TSHZ2: variants seen among roughly 807,000 people sequenced by gnomAD.
TSHZ2 encodes the protein teashirt zinc finger homeobox 2, also known as teashirt homolog 2.
Under a neutral mutation model 74.4 loss-of-function variants are expected in TSHZ2, and 21 were observed. The observed-to-expected ratio is 0.28, with a 90% CI of 0.20 to 0.41. TSHZ2 has a LOEUF of 0.41. Ranked by LOEUF, TSHZ2 falls within the 10% of genes least tolerant of loss-of-function variation. The pLI is 1.00. For synonymous variants in TSHZ2, 540 were observed against 515.3 expected (o/e 1.05, Z -0.65); for missense variants, 1,244 against 1,293.5 (o/e 0.96, Z 0.59).
rs542988543 is a variant in TSHZ2 at position 53,272,540 on chromosome 20, G to A, written c.*8+15969G>A. Among the ~76,000 whole-genome samples, 43 of 152,276 alleles carry A rather than the reference G, an allele frequency of 2.8e-4. No homozygotes were observed. In the East Asian group the frequency reaches 4.0e-3, roughly 14 times the overall value. On this transcript the variant is annotated intron_variant, in intron 2 of 2. Coordinates refer to ENST00000371497, the MANE Select transcript of TSHZ2 (RefSeq NM_173485.6). ...CTTCCTTTTGCCATCCTCCATGGGCGAAATGACAATAATACTTACGTCTCT... is the reference window on the plus strand; with the variant it reads ...CTTCCTTTTGCCATCCTCCATGGGCAAAATGACAATAATACTTACGTCTCT...
chr20:53,025,344 G>A (rs1005949959), intron 1 of TSHZ2, among the ~76,000 whole-genome samples: 1 of 152,032 alleles, frequency 6.6e-6, no homozygotes, highest in African/African-American at 2.4e-5. Context: ...CAAAGATCTG[G>A]TTGTCAATTA....
intron 2 of TSHZ2, among the ~76,000 whole-genome samples, chr20:53,300,822 GA>G (rs1395252239): frequency 6.6e-6 from 1 of 152,212 alleles, no homozygotes; most frequent in African/African-American, 2.4e-5. Flanking sequence ...GCAGGGAGGA[GA>G]AAAGGGGTCG....
intron 2 of TSHZ2, among the ~76,000 whole-genome samples, chr20:53,473,808 T>C (rs969667662): frequency 6.6e-6 from 1 of 152,002 alleles, no homozygotes; most frequent in African/African-American, 2.4e-5. Context: ...AGAGAAGTGC[T>C]TAAAGGAGCT....
chr20:53,256,706 A>T lies in TSHZ2; in HGVS notation c.*8+135A>T. The T allele has an allele frequency of 7.3e-7, 1 of 1,372,236 alleles. No homozygotes were observed. Among genetic ancestry groups the T allele is most frequent in the Non-Finnish European group, 9.6e-7 (1 of 1,046,294 alleles). The allele number at this position is 1,372,236 out of a possible 1,614,324, so 85.0% of individuals were successfully genotyped here. On this transcript the variant is annotated intron_variant, in intron 2 of 2. Transcript: ENST00000371497. The surrounding 1 kb of genome is among the most constrained non-coding windows in gnomAD (Gnocchi z 4.3). Reference sequence around the variant, plus strand: ...GCTTGCTGGAGTAGGATTTATTTTAATGAAAGACCAGAACATGAAAACTAA... The same window carrying T: ...GCTTGCTGGAGTAGGATTTATTTTATTGAAAGACCAGAACATGAAAACTAA...
At chr20:53,386,950 G>A (rs1445394220) in intron 2 of TSHZ2, among the ~76,000 whole-genome samples, 3 of 151,876 alleles carry the variant, frequency 2.0e-5, no homozygotes, top group Non-Finnish European at 4.4e-5. Flanking sequence ...ATATGAAAGG[G>A]ATATAAATTC....
chr20:53,393,243 T>C (rs914909834), intron 2 of TSHZ2, among the ~76,000 whole-genome samples: 4 of 152,254 alleles, frequency 2.6e-5, no homozygotes, highest in African/African-American at 9.6e-5. Flanking sequence ...CTCCCACTTA[T>C]AAGTGAGAAC....
At chr20:53,009,003 CTCTCTCTCT>C (rs1475154419) in intron 1 of TSHZ2, among the ~76,000 whole-genome samples, 2 of 122,162 alleles carry the variant, frequency 1.6e-5, no homozygotes, top group Non-Finnish European at 3.4e-5. Context: ...CTCTCTCTCT[CTCTCTCTCT>C]CTCTCTCTCT....
At chr20:52,974,259 A>T (rs552078247) in intron 1 of TSHZ2, among the ~76,000 whole-genome samples, 3 of 152,022 alleles carry the variant, frequency 2.0e-5, no homozygotes, top group Admixed American at 6.5e-5. Context: ...TTTCCACTTG[A>T]TTGCTAGTTT....
intron 1 of TSHZ2, among the ~76,000 whole-genome samples, chr20:53,151,880 A>C (rs2123442223): frequency 6.6e-6 from 1 of 152,360 alleles, no homozygotes; most frequent in East Asian, 1.9e-4. Flanking sequence ...ATATATATCA[A>C]GATACATACA....
In TSHZ2 at chr20:53,492,550, T is replaced by A. The variant is rs1285576472; in HGVS notation, c.*5415T>A. 6.6e-6 allele frequency: 1 copy of A among 152,206 alleles called. No individual in the cohort carries two copies. Among genetic ancestry groups the A allele is most frequent in the African/African-American group, 2.4e-5 (1 of 41,444 alleles). 9.4% of individuals were successfully genotyped at this position (152,206 alleles called of 1,614,324 possible). A position where few individuals can be genotyped will look rare whatever the true frequency, so the allele number is the denominator to read the frequency against. ...TAAAATATACTTTTTGATTTCCTGA[T>A]GATGTCCTTCTAATCCCTTCTGACT... On this transcript the variant is annotated 3_prime_UTR_variant, in exon 3 of 3. Coordinates refer to ENST00000371497, the MANE Select transcript of TSHZ2 (RefSeq NM_173485.6).
At chr20:53,320,080 A>G (rs1979190625) in intron 2 of TSHZ2, among the ~76,000 whole-genome samples, 1 of 152,156 alleles carries the variant, frequency 6.6e-6, no homozygotes, top group South Asian at 2.1e-4. Context: ...TACCATCATC[A>G]TCACTGCCAA....
intron 2 of TSHZ2, among the ~76,000 whole-genome samples, chr20:53,411,661 T>C (rs1452764995): frequency 2.6e-5 from 4 of 152,042 alleles, no homozygotes; most frequent in African/African-American, 4.8e-5. Context: ...AGACCTCGTC[T>C]CTATAAAAAA....
At chr20:53,165,684 T>A (rs925176190) in intron 1 of TSHZ2, among the ~76,000 whole-genome samples, 1 of 152,210 alleles carries the variant, frequency 6.6e-6, no homozygotes, top group African/African-American at 2.4e-5. Context: ...ACTAATGAGA[T>A]CAGCAAGAGT....
intron 2 of TSHZ2, among the ~76,000 whole-genome samples, chr20:53,261,640 C>T (rs1412478463): frequency 1.3e-5 from 2 of 152,190 alleles, no homozygotes; most frequent in African/African-American, 2.4e-5. Context: ...CTTCCCCCCT[C>T]ATTTGGACTT....
chr20:53,288,264 T>C (rs2145450646), intron 2 of TSHZ2, among the ~76,000 whole-genome samples: 1 of 151,878 alleles, frequency 6.6e-6, no homozygotes, highest in African/African-American at 2.4e-5. Flanking sequence ...ATTAGCCAGG[T>C]GTGGTGGCAG....
At chr20:53,470,648 T>C (rs1306664144) in intron 2 of TSHZ2, among the ~76,000 whole-genome samples, 1 of 152,060 alleles carries the variant, frequency 6.6e-6, no homozygotes, top group East Asian at 1.9e-4. Context: ...GAAACCCGCC[T>C]CCTAAAAATA....
At chr20:53,414,861 G>A (rs1367116253) in intron 2 of TSHZ2, among the ~76,000 whole-genome samples, 1 of 152,096 alleles carries the variant, frequency 6.6e-6, no homozygotes, top group Non-Finnish European at 1.5e-5. Context: ...TGGGTCTGCC[G>A]CCTTCCAGCC....
chr20:53,319,997 A>T (rs1281675229), intron 2 of TSHZ2, among the ~76,000 whole-genome samples: 2 of 152,178 alleles, frequency 1.3e-5, no homozygotes, highest in African/African-American at 4.8e-5. Context: ...CTTCTTCATG[A>T]GAAAGCCCAA....
chr20:53,103,904 A>C (rs1986288318), intron 1 of TSHZ2, among the ~76,000 whole-genome samples: 1 of 152,210 alleles, frequency 6.6e-6, no homozygotes. Flanking sequence ...CAGTTATAGA[A>C]GTGGAGAAAT....
Sources: gnomAD v4.1 joint callset for allele counts (sites outside exome capture counted in the v4.1 genomes callset) on GRCh38, gnomAD v4.1.1 for gene constraint, Gnocchi (gnomAD v3.1) non-coding constraint, MANE v1.5 for transcripts, NCBI Gene and HGNC (gene_info 2026-07-23, HGNC 2026-07-21) for gene names.